The following NTRK2 variants were observed in gnomAD, a reference collection of about 807,000 sequenced individuals.
NTRK2 encodes BDNF/NT-3 growth factors receptor.
A neutral mutation model predicts 94.5 loss-of-function variants in NTRK2; 13 were observed. The observed-to-expected ratio is 0.14, with a 90% CI of 0.09 to 0.22. The LOEUF is 0.22. Among genes scored for constraint, NTRK2 ranks in the 10% least tolerant of loss-of-function variants. The pLI, the probability that NTRK2 is intolerant of heterozygous loss-of-function variation, is 1.00. For missense variants in NTRK2, 639 were observed against 1,071.2 expected (o/e 0.60, Z 5.63); for synonymous variants, 372 against 407.4 (o/e 0.91, Z 1.05).
At chr9:84,732,026 T>C (rs1588226979) in intron 9 of NTRK2, among the ~76,000 whole-genome samples, 1 of 152,278 alleles carries the variant, frequency 6.6e-6, no homozygotes, top group South Asian at 2.1e-4. Context: ...AGATACTAAA[T>C]CGATCACTTT....
At chr9:84,992,411 A>T (rs1023769634) in intron 17 of NTRK2, among the ~76,000 whole-genome samples, 1 of 152,074 alleles carries the variant, frequency 6.6e-6, no homozygotes, top group African/African-American at 2.4e-5. Context: ...GGGCTACTCC[A>T]CTAGAGTGTT....
chr9:84,689,323 C>G (rs987287893), intron 2 of NTRK2, among the ~76,000 whole-genome samples: 3 of 152,098 alleles, frequency 2.0e-5, no homozygotes, highest in Admixed American at 2.0e-4. Context: ...CGTGTAGGAC[C>G]TGGTGTGCTT....
intron 12 of NTRK2, among the ~76,000 whole-genome samples, chr9:84,848,631 C>T (rs2074593520): frequency 6.6e-6 from 1 of 152,154 alleles, no homozygotes; most frequent in Non-Finnish European, 1.5e-5. Context: ...CACAAGAAAG[C>T]CGGAAGTCTG....
chr9:84,813,960 A>G, intron 12 of NTRK2: 10 of 1,065,408 alleles, frequency 9.4e-6, no homozygotes, highest in Non-Finnish European at 1.1e-5. Flanking sequence ...CCGTCATCAC[A>G]TGAGACACTG....
chr9:84,769,077 C>T (rs1171329584), intron 12 of NTRK2, among the ~76,000 whole-genome samples: 1 of 152,020 alleles, frequency 6.6e-6, no homozygotes, highest in East Asian at 1.9e-4. Flanking sequence ...CAGGGGAGCC[C>T]AAGCAGAGGT....
chr9:84,940,264 A>G (rs1305686713), intron 15 of NTRK2, among the ~76,000 whole-genome samples: 1 of 152,210 alleles, frequency 6.6e-6, no homozygotes, highest in Non-Finnish European at 1.5e-5. Context: ...TCAAATAGGA[A>G]TTGCAGGAGA....
chr9:84,900,958 T>C (rs753700538), intron 14 of NTRK2, among the ~76,000 whole-genome samples: 9 of 152,140 alleles, frequency 5.9e-5, no homozygotes, highest in Non-Finnish European at 1.3e-4. Flanking sequence ...AAGGAGCCGG[T>C]TGTGCTAATA....
chr9:85,019,561 TTATC>T (rs1832601927), intron 17 of NTRK2, among the ~76,000 whole-genome samples: 1 of 152,238 alleles, frequency 6.6e-6, no homozygotes, highest in African/African-American at 2.4e-5. Context: ...AAAAATGTAT[TTATC>T]TATTGTGGTA....
chr9:84,996,686 G>C (rs1457041725), intron 17 of NTRK2, among the ~76,000 whole-genome samples: 1 of 152,222 alleles, frequency 6.6e-6, no homozygotes, highest in Non-Finnish European at 1.5e-5. Flanking sequence ...CAACCAAGAA[G>C]CTGCTGGCCT....
At chr9:84,718,131 C>G (rs1439463594) in intron 6 of NTRK2, among the ~76,000 whole-genome samples, 2 of 151,062 alleles carry the variant, frequency 1.3e-5, no homozygotes, top group Non-Finnish European at 2.9e-5. Flanking sequence ...AATTAGAGTT[C>G]TATAAGACAC....
chr9:84,797,655 A>AT lies in NTRK2; in HGVS notation c.1396+45571dup, dbSNP rs1564297650. ...TATATTATATATACTATAATAATAT[A>AT]TATATTATATATTATATATTATATA... On this transcript the variant is annotated intron_variant, in intron 12 of 18. Transcript: ENST00000277120. 6.0e-3 allele frequency among the ~76,000 whole-genome samples: 240 copies of AT among 40,078 alleles called. 8 individuals carry two copies. The highest frequency in any genetic ancestry group is 0.011 in the African/African-American group (65 of 5,686). The allele number at this position is 40,078 out of a possible 152,430, so 26.3% of individuals were successfully genotyped here. A position where few individuals can be genotyped will look rare whatever the true frequency, so the allele number is the denominator to read the frequency against.
Position 84,741,928 on chromosome 9 carries a change from G to A in NTRK2, c.1195+1G>A, listed in dbSNP as rs2132305494. ...AATTATCCTGATGTAATTTATGAAG[G>A]TAGCTATCGTGTTTTCTACTTTGTA... On this transcript the variant is annotated splice_donor_variant, in intron 10 of 18. Transcript: ENST00000277120. LOFTEE classifies it high-confidence loss of function. The A allele has an allele frequency of 6.2e-7, 1 of 1,610,782 alleles. No individual in the cohort carries two copies. The highest frequency in any genetic ancestry group is 8.5e-7 in the Non-Finnish European group (1 of 1,177,996).
At chr9:85,011,463 G>T (rs1831561393) in intron 17 of NTRK2, among the ~76,000 whole-genome samples, 1 of 152,176 alleles carries the variant, frequency 6.6e-6, no homozygotes, top group African/African-American at 2.4e-5. Flanking sequence ...AAATATTAAG[G>T]TTGAATGAGG....
At chr9:84,725,463 A>G (rs1406097397) in intron 8 of NTRK2, among the ~76,000 whole-genome samples, 2 of 152,072 alleles carry the variant, frequency 1.3e-5, no homozygotes, top group Non-Finnish European at 2.9e-5. Context: ...AATTCATTTG[A>G]GCATGGTGGA....
chr9:84,841,758 C>T (rs1369067455), intron 12 of NTRK2, among the ~76,000 whole-genome samples: 3 of 152,146 alleles, frequency 2.0e-5, no homozygotes, highest in Non-Finnish European at 2.9e-5. Context: ...TCCTTGTTGT[C>T]GTTGGTAATT....
intron 2 of NTRK2, among the ~76,000 whole-genome samples, chr9:84,688,722 G>C (rs1401246827): frequency 6.6e-6 from 1 of 152,096 alleles, no homozygotes; most frequent in East Asian, 1.9e-4. Context: ...TTTTTTACTG[G>C]GACCCCTGGA....
chr9:84,688,881 G>C (rs2059879048), intron 2 of NTRK2, among the ~76,000 whole-genome samples: 1 of 152,162 alleles, frequency 6.6e-6, no homozygotes, highest in African/African-American at 2.4e-5. Flanking sequence ...TTTGTGTAGG[G>C]GAGTGATTCC....
intron 12 of NTRK2, among the ~76,000 whole-genome samples, chr9:84,779,724 C>A (rs2067380398): frequency 6.6e-6 from 1 of 152,172 alleles, no homozygotes; most frequent in South Asian, 2.1e-4. Flanking sequence ...TATTGTTTCT[C>A]CTCAACTGTT....
At position 84,849,120 on chromosome 9, in the gene NTRK2, A is replaced by G. The variant is rs543266590; in HGVS notation, c.1397-11920A>G. Among the ~76,000 whole-genome samples, 29 of 152,278 alleles carry G rather than the reference A, an allele frequency of 1.9e-4. No homozygotes were observed. In the South Asian group the frequency reaches 2.9e-3, roughly 15 times the overall value. On this transcript the variant is annotated intron_variant, in intron 12 of 18. Coordinates refer to ENST00000277120, the MANE Select transcript of NTRK2 (RefSeq NM_006180.6). Reference sequence around the variant, plus strand: ...AATAAGATTCACTTGGAACTTCACTATTACAGAAAAAGATAACCCTTAAAA... The same window carrying G: ...AATAAGATTCACTTGGAACTTCACTGTTACAGAAAAAGATAACCCTTAAAA...
Sources: allele counts gnomAD v4.1 joint callset (sites outside exome capture counted in the v4.1 genomes callset), GRCh38; gene constraint gnomAD v4.1.1; transcripts MANE v1.5; gene names NCBI Gene and HGNC (gene_info 2026-07-23, HGNC 2026-07-21).